The following INPP4B variants were observed in gnomAD, a reference collection of about 807,000 sequenced individuals.
INPP4B encodes the protein inositol polyphosphate-4-phosphatase type II B.
In INPP4B, 55 loss-of-function variants were observed where a neutral mutation model predicts 122.5. That is an observed-to-expected ratio of 0.45 (90% confidence interval 0.36 to 0.56). The LOEUF (loss-of-function observed/expected upper bound fraction) is 0.56. INPP4B is among the 20% of genes least tolerant of loss of function. The pLI is 0.00. For missense variants in INPP4B, 1,000 were observed against 1,097.7 expected (o/e 0.91, Z 1.26); for synonymous variants, 403 against 388.7 (o/e 1.04, Z -0.43).
intron 7 of INPP4B, among the ~76,000 whole-genome samples, chr4:142,398,102 G>A (rs901973661): frequency 3.3e-5 from 5 of 151,448 alleles, no homozygotes; most frequent in East Asian, 4.0e-4. Flanking sequence ...CAGCCTGGGC[G>A]CGGTGGCTCA....
At chr4:142,649,980 C>T (rs1752596453) in intron 2 of INPP4B, among the ~76,000 whole-genome samples, 1 of 152,194 alleles carries the variant, frequency 6.6e-6, no homozygotes, top group Non-Finnish European at 1.5e-5. Flanking sequence ...GGTTGGGTTA[C>T]CCACAAAGGG....
chr4:142,259,561 T>A (rs958295663), intron 11 of INPP4B, among the ~76,000 whole-genome samples: 1 of 146,772 alleles, frequency 6.8e-6, no homozygotes, highest in African/African-American at 2.5e-5. Flanking sequence ...TATATTGTTA[T>A]AAAACTAAAA....
chr4:142,336,586 A>G (rs1776669955), intron 7 of INPP4B, among the ~76,000 whole-genome samples: 1 of 152,234 alleles, frequency 6.6e-6, no homozygotes, highest in Admixed American at 6.5e-5. Context: ...AAGAGAGAGA[A>G]ATAACACCCC....
At chr4:142,566,962 T>A (rs753334523) in intron 2 of INPP4B, among the ~76,000 whole-genome samples, 3 of 152,164 alleles carry the variant, frequency 2.0e-5, no homozygotes, top group Non-Finnish European at 2.9e-5. Flanking sequence ...TTGTAAGGTT[T>A]TTGATAGTCA....
chr4:142,072,252 C>T (rs938061554), intron 25 of INPP4B, among the ~76,000 whole-genome samples: 1 of 151,910 alleles, frequency 6.6e-6, no homozygotes, highest in African/African-American at 2.4e-5. Flanking sequence ...AGCCAAACAC[C>T]ACATGTTCTC....
At chr4:142,536,363 A>T (rs1266366953) in intron 2 of INPP4B, among the ~76,000 whole-genome samples, 2 of 152,074 alleles carry the variant, frequency 1.3e-5, no homozygotes, top group African/African-American at 2.4e-5. Flanking sequence ...AGCATTTCTG[A>T]TTTTAACTTC....
At chr4:142,256,900 CA>C (rs1030561840) in intron 11 of INPP4B, among the ~76,000 whole-genome samples, 2 of 151,896 alleles carry the variant, frequency 1.3e-5, no homozygotes, top group Admixed American at 6.6e-5. Flanking sequence ...GAGACACAAC[CA>C]AAAAAGAGAA....
At chr4:142,087,515 T>C (rs2152552566) in intron 23 of INPP4B, among the ~76,000 whole-genome samples, 1 of 152,304 alleles carries the variant, frequency 6.6e-6, no homozygotes, top group South Asian at 2.1e-4. Flanking sequence ...AAGTACTGTA[T>C]AGTATGAAAA....
intron 15 of INPP4B, among the ~76,000 whole-genome samples, chr4:142,174,133 C>T (rs558433897): frequency 6.6e-6 from 1 of 152,060 alleles, no homozygotes; most frequent in African/African-American, 2.4e-5. Context: ...GTATTCAAAA[C>T]AAATTAGTAT....
At chr4:142,081,902 A>G in intron 25 of INPP4B, 129 bp downstream of exon 25, 1 of 543,456 alleles carries the variant, frequency 1.8e-6, no homozygotes, top group Non-Finnish European at 3.1e-6. Context: ...GTCATAAGCT[A>G]TAAGCCATGA....
chr4:142,650,987 C>A (rs1269022929), intron 2 of INPP4B, among the ~76,000 whole-genome samples: 1 of 152,124 alleles, frequency 6.6e-6, no homozygotes, highest in Non-Finnish European at 1.5e-5. Flanking sequence ...CACTCCTTGG[C>A]AAATGCAAAT....
At chr4:142,816,778 C>G (rs867742824) in intron 1 of INPP4B, among the ~76,000 whole-genome samples, 1 of 148,686 alleles carries the variant, frequency 6.7e-6, no homozygotes, top group Admixed American at 6.7e-5. Flanking sequence ...TTTGGATGTT[C>G]AAAGTAAAAC....
intron 7 of INPP4B, among the ~76,000 whole-genome samples, chr4:142,344,480 T>G (rs1013107584): frequency 6.6e-6 from 1 of 152,024 alleles, no homozygotes; most frequent in Non-Finnish European, 1.5e-5. Flanking sequence ...AAGTCCGAGT[T>G]GACAGTGATA....
At position 142,431,190 on chromosome 4, in the gene INPP4B, G is replaced by T; in HGVS notation, c.70C>A (p.Pro24Thr). ...HFLPTAQAND[P>T]GDCQFTSIQK... ...TTACTTGTGAACTGACAGTCCCCGG[G>T]ATCATTGGCCTGGGCTGTAGGAAGA... is the stretch of plus-strand genomic sequence containing the variant. Residue 24 changes from proline to threonine, a missense_variant, in exon 4 of 26, where the codon CCC (proline) becomes ACC (threonine). Transcript: ENST00000262992. 2 of 1,613,036 alleles carry T rather than the reference G, an allele frequency of 1.2e-6. No individual in the cohort carries two copies. Among genetic ancestry groups the T allele is most frequent in the Non-Finnish European group, 1.7e-6 (2 of 1,179,208 alleles).
chr4:142,685,900 T>C (rs1759277556), intron 2 of INPP4B, among the ~76,000 whole-genome samples: 1 of 152,140 alleles, frequency 6.6e-6, no homozygotes, highest in African/African-American at 2.4e-5. Context: ...AAAGATTGGT[T>C]AAATTGAGTA....
intron 2 of INPP4B, among the ~76,000 whole-genome samples, chr4:142,483,520 T>A (rs534147066): frequency 6.6e-6 from 1 of 152,152 alleles, no homozygotes; most frequent in Admixed American, 6.6e-5. Context: ...TAGGTCTTAG[T>A]CAATTGTGTA....
chr4:142,039,497 A>T (rs2152319974), intron 25 of INPP4B, among the ~76,000 whole-genome samples: 1 of 152,296 alleles, frequency 6.6e-6, no homozygotes, highest in South Asian at 2.1e-4. Context: ...ATGTCTAAAC[A>T]TTGCTTTGAA....
chr4:142,467,705 TGA>T (rs1157422124), intron 2 of INPP4B, among the ~76,000 whole-genome samples: 1 of 152,112 alleles, frequency 6.6e-6, no homozygotes, highest in Non-Finnish European at 1.5e-5. Flanking sequence ...GAGAAAGACA[TGA>T]GATTTCGGGG....
chr4:142,706,152 C>T (rs1309102971), intron 2 of INPP4B, among the ~76,000 whole-genome samples: 2 of 152,234 alleles, frequency 1.3e-5, no homozygotes, highest in African/African-American at 4.8e-5. Context: ...ATGCAATTAT[C>T]CACATTTGAA....
Sources: gnomAD v4.1 joint callset for allele counts (sites outside exome capture counted in the v4.1 genomes callset) on GRCh38, gnomAD v4.1.1 for gene constraint, MANE v1.5 for transcripts, NCBI Gene and HGNC (gene_info 2026-07-23, HGNC 2026-07-21) for gene names.